IFNGR1: variants seen among roughly 807,000 people sequenced by gnomAD.
IFNGR1 encodes the protein AVP, type 2.
A neutral mutation model predicts 35.4 loss-of-function variants in IFNGR1; 23 were observed. That is an observed-to-expected ratio of 0.65 (90% CI 0.47 to 0.92). The LOEUF is 0.92. IFNGR1 is among the 40% of genes least tolerant of loss of function. The pLI, the probability that IFNGR1 is intolerant of heterozygous loss-of-function variation, is 0.00. For synonymous variants in IFNGR1, 199 were observed against 209.5 expected (o/e 0.95, Z 0.43); for missense variants, 533 against 583.4 (o/e 0.91, Z 0.89).
intron 5 of IFNGR1, among the ~76,000 whole-genome samples, chr6:137,201,247 A>G (rs1045503128): frequency 1.6e-4 from 25 of 152,360 alleles, no homozygotes; most frequent in African/African-American, 5.8e-4. Context: ...CTATTCTACT[A>G]TGACACAACA....
chr6:137,201,890 G>C (rs1403705458), intron 5 of IFNGR1, among the ~76,000 whole-genome samples: 1 of 152,048 alleles, frequency 6.6e-6, no homozygotes, highest in Non-Finnish European at 1.5e-5. Context: ...AAATAGGAAA[G>C]ATTTGTTTCC....
In IFNGR1 at chr6:137,207,140, C is replaced by T; in HGVS notation, c.86-63G>A. 2.5e-6 allele frequency: 4 copies of T among 1,592,912 alleles called. No individual in the cohort carries two copies. The South Asian group carries it at 4.5e-5, about 18-fold the overall frequency. On this transcript the variant is annotated intron_variant, in intron 1 of 6. Transcript: ENST00000367739. ...GAAACTAACATTAATATTGGAAAGC[C>T]TTATTGTAAGATGCCACATTGCCCA...
At chr6:137,209,886 C>T in intron 1 of IFNGR1, 1 of 398,728 alleles carries the variant, frequency 2.5e-6, no homozygotes, top group East Asian at 3.6e-5. Flanking sequence ...ATTCCAGTTT[C>T]ATCAACACTC....
intron 1 of IFNGR1, chr6:137,215,450 AT>A: frequency 5.4e-6 from 5 of 919,220 alleles, no homozygotes; most frequent in African/African-American, 1.7e-5. Flanking sequence ...GATACCTAGT[AT>A]TCTGATTACT....
At chr6:137,212,280 CAG>C (rs1373425372) in intron 1 of IFNGR1, among the ~76,000 whole-genome samples, 5 of 152,184 alleles carry the variant, frequency 3.3e-5, no homozygotes, top group African/African-American at 9.7e-5. Context: ...CCTTTTGAGA[CAG>C]AGTCTTGCTC....
intron 3 of IFNGR1, 140 bp downstream of exon 3, chr6:137,205,995 AC>A (rs1779418401): frequency 2.8e-6 from 2 of 725,014 alleles, no homozygotes; most frequent in Admixed American, 4.8e-5. Context: ...GGGATGCTCA[AC>A]CTGTACTGAC....
chr6:137,203,739 A>C (rs745684137), intron 4 of IFNGR1, 54 bp from the exon 5 acceptor site: 12 of 1,474,192 alleles, frequency 8.1e-6, no homozygotes, highest in African/African-American at 1.4e-5. Flanking sequence ...ATCTGAAAAA[A>C]AAAAAAAATC....
intron 6 of IFNGR1, among the ~76,000 whole-genome samples, chr6:137,200,404 T>C (rs957416329): frequency 6.6e-6 from 1 of 152,186 alleles, no homozygotes; most frequent in Admixed American, 6.5e-5. Flanking sequence ...AATGAAGTGT[T>C]TCTGTATTTG....
At chr6:137,201,848 C>T (rs1042013288) in intron 5 of IFNGR1, among the ~76,000 whole-genome samples, 2 of 152,166 alleles carry the variant, frequency 1.3e-5, no homozygotes, top group Admixed American at 6.5e-5. Context: ...GAATAAAGTC[C>T]CCTTAGTTAT....
chr6:137,219,096 C>A, intron 1 of IFNGR1, 147 bp downstream of exon 1: 3 of 1,010,944 alleles, frequency 3.0e-6, no homozygotes, highest in Non-Finnish European at 4.3e-6. Flanking sequence ...GACCCCACCT[C>A]GCGTCCCCGT....
chr6:137,199,288 ATG>A (rs1000380710), intron 6 of IFNGR1, among the ~76,000 whole-genome samples: 4 of 135,726 alleles, frequency 2.9e-5, no homozygotes, highest in African/African-American at 1.1e-4. Flanking sequence ...ATATATATAT[ATG>A]AAAAATATAA....
Position 137,219,108 on chromosome 6 carries a change from G to T in IFNGR1, c.85+135C>A, listed in dbSNP as rs1207561097. ...CGCGACCCCACCTCGCGTCCCCGTC[G>T]CCCGCTCAGGGCCCGACGCAGGGGT... is the stretch of plus-strand genomic sequence containing the variant. On this transcript the variant is annotated intron_variant, in intron 1 of 6. Coordinates refer to ENST00000367739, the MANE Select transcript of IFNGR1 (RefSeq NM_000416.3). 4 of 1,169,804 alleles carry T rather than the reference G, an allele frequency of 3.4e-6. No individual in the cohort carries two copies. In the African/African-American group the frequency reaches 4.6e-5, roughly 13 times the overall value. 72.5% of individuals were successfully genotyped at this position (1,169,804 alleles called of 1,614,324 possible). A position where few individuals can be genotyped will look rare whatever the true frequency, so the allele number is the denominator to read the frequency against.
chr6:137,208,023 A>C (rs944595553), intron 1 of IFNGR1, among the ~76,000 whole-genome samples: 5 of 152,218 alleles, frequency 3.3e-5, no homozygotes, highest in African/African-American at 1.2e-4. Context: ...AGGTGGTCTC[A>C]GTGGAGGTGA....
intron 1 of IFNGR1, among the ~76,000 whole-genome samples, chr6:137,216,563 A>G (rs1344677789): frequency 1.3e-5 from 2 of 152,220 alleles, no homozygotes; most frequent in African/African-American, 4.8e-5. Context: ...TGTTCTTACC[A>G]GGTCCTCTCA....
chr6:137,208,419 C>A (rs1327578353), intron 1 of IFNGR1, among the ~76,000 whole-genome samples: 3 of 152,186 alleles, frequency 2.0e-5, no homozygotes, highest in Admixed American at 6.5e-5. Context: ...TTCACGCCAG[C>A]GCTTCCCATC....
At chr6:137,216,135 T>C (rs952902940) in intron 1 of IFNGR1, among the ~76,000 whole-genome samples, 5 of 152,258 alleles carry the variant, frequency 3.3e-5, no homozygotes, top group African/African-American at 1.2e-4. Flanking sequence ...CCTGTGTATT[T>C]TGAATCTCTG....
Position 137,201,449 on chromosome 6 carries a change from C to T in IFNGR1, c.734-441G>A, listed in dbSNP as rs373176097. 2.6e-5 allele frequency among the ~76,000 whole-genome samples: 4 copies of T among 152,044 alleles called. No homozygotes were observed. The East Asian group carries it at 5.8e-4, about 22-fold the overall frequency. On this transcript the variant is annotated intron_variant, in intron 5 of 6. Coordinates refer to ENST00000367739, the MANE Select transcript of IFNGR1 (RefSeq NM_000416.3). Reference sequence around the variant, plus strand: ...CAGCACTTTGGGAAGTCGAGGTGGGCGGATCACGAGGTCAAGAGATCGAGA... The same window carrying T: ...CAGCACTTTGGGAAGTCGAGGTGGGTGGATCACGAGGTCAAGAGATCGAGA...
chr6:137,198,061 T>A lies in IFNGR1; in HGVS notation c.1440A>T (p.Arg480Ser). Reference sequence around the variant, plus strand: ...AAAATTCTTTGGAATCTTCTGTTGGTCTATAACCAATCAAGGACTCTTTAC... The same window carrying A: ...AAAATTCTTTGGAATCTTCTGTTGGACTATAACCAATCAAGGACTCTTTAC... Reference protein sequence around the residue: ...DSGKESLIGYRPTEDSKEFS With the variant: ...DSGKESLIGYSPTEDSKEFS The change falls in exon 7 of 7, where the codon AGA becomes AGT. Residue 480 changes from arginine to serine, a missense_variant. Transcript: ENST00000367739. 1.2e-6 allele frequency: 2 copies of A among 1,614,120 alleles called. No individual in the cohort carries two copies. Among genetic ancestry groups the A allele is most frequent in the Non-Finnish European group, 1.7e-6 (2 of 1,179,994 alleles).
intron 2 of IFNGR1, 116 bp from the exon 3 acceptor site, chr6:137,206,424 TAAG>T (rs1779430737): frequency 4.0e-6 from 3 of 749,000 alleles, no homozygotes; most frequent in Non-Finnish European, 6.6e-6. Context: ...AGAGCAGAGC[TAAG>T]AATAGGATGG....
Sources: gnomAD v4.1 joint callset for allele counts (sites outside exome capture counted in the v4.1 genomes callset) on GRCh38, gnomAD v4.1.1 for gene constraint, MANE v1.5 for transcripts, NCBI Gene and HGNC (gene_info 2026-07-23, HGNC 2026-07-21) for gene names.